The following RHOH variants were observed in gnomAD, a reference collection of about 807,000 sequenced individuals.
The protein encoded by RHOH is ras homolog family member H, also known as rho-related GTP-binding protein RhoH.
A neutral mutation model predicts 13.8 loss-of-function variants in RHOH; 6 were observed. The observed-to-expected ratio is 0.44, with a 90% confidence interval of 0.24 to 0.86. RHOH has a LOEUF of 0.86. Ranked by LOEUF, RHOH falls within the 40% of genes least tolerant of loss-of-function variation. RHOH has a pLI of 0.24. For missense variants in RHOH, 147 were observed against 244.5 expected (o/e 0.60, Z 2.66); for synonymous variants, 117 against 103.0 (o/e 1.14, Z -0.82).
At chr4:40,191,754 T>C (rs1364503557), upstream of RHOH, among the ~76,000 whole-genome samples, 2 of 152,174 alleles carry the variant, frequency 1.3e-5, no homozygotes, top group Non-Finnish European at 2.9e-5. Context: ...ACATGGCAGC[T>C]GAGAATCCTG....
chr4:40,246,067 T>C lies in RHOH; in HGVS notation c.*2105T>C, dbSNP rs1729749339. Reference sequence around the variant, plus strand: ...GCTCAGGGTTGGGGGGCTTGAAAGATGACCGGGCAGGGGAGGGGAAGGGAT... The same window carrying C: ...GCTCAGGGTTGGGGGGCTTGAAAGACGACCGGGCAGGGGAGGGGAAGGGAT... On this transcript the variant is annotated 3_prime_UTR_variant, in exon 3 of 3. Coordinates refer to ENST00000381799, the MANE Select transcript of RHOH (RefSeq NM_004310.5). The C allele has an allele frequency of 6.6e-6, 1 of 152,200 alleles. No homozygotes were observed. The highest frequency in any genetic ancestry group is 2.4e-5 in the African/African-American group (1 of 41,434). 9.4% of individuals were successfully genotyped at this position (152,200 alleles called of 1,614,324 possible). A position where few individuals can be genotyped will look rare whatever the true frequency, so the allele number is the denominator to read the frequency against.
chr4:40,212,333 T>C (rs1057112312), intron 1 of RHOH, among the ~76,000 whole-genome samples: 1 of 152,182 alleles, frequency 6.6e-6, no homozygotes, highest in Admixed American at 6.5e-5. Flanking sequence ...ATCGTCAGAG[T>C]GCAACACGTT....
At chr4:40,226,338 C>A (rs959893426) in intron 1 of RHOH, among the ~76,000 whole-genome samples, 38 of 151,844 alleles carry the variant, frequency 2.5e-4, no homozygotes, top group African/African-American at 9.2e-4. Flanking sequence ...ACTAGCCTGA[C>A]CAACATGGAG....
chr4:40,228,631 G>A (rs781324656), intron 1 of RHOH, among the ~76,000 whole-genome samples: 36 of 152,112 alleles, frequency 2.4e-4, no homozygotes, highest in Non-Finnish European at 4.9e-4. Context: ...CAGCTGGGAA[G>A]TATCTTGAAC....
intron 1 of RHOH, among the ~76,000 whole-genome samples, chr4:40,215,975 CT>C (rs1048829484): frequency 5.9e-5 from 9 of 152,056 alleles, no homozygotes; most frequent in Non-Finnish European, 1.3e-4. Flanking sequence ...TTTTTCCACC[CT>C]GGGTGGACTC....
intron 1 of RHOH, among the ~76,000 whole-genome samples, chr4:40,231,233 T>C (rs60505345): frequency 0.03 from 4,565 of 152,044 alleles, 165 homozygotes; most frequent in African/African-American, 0.073. Context: ...TTCCTGTGTC[T>C]GTGAATAGAC....
intron 1 of RHOH, among the ~76,000 whole-genome samples, chr4:40,198,695 T>G (rs903927994): frequency 2.6e-5 from 4 of 152,218 alleles, no homozygotes; most frequent in African/African-American, 9.6e-5. Flanking sequence ...CACCTCTGGT[T>G]TCTTCATTTT....
rs1413940919 is a variant in RHOH at position 40,245,360 on chromosome 4, A to AC, written c.*1402dup. 6.6e-6 allele frequency: 1 copy of AC among 151,846 alleles called. No individual in the cohort carries two copies. The highest frequency in any genetic ancestry group is 1.5e-5 in the Non-Finnish European group (1 of 67,996). The allele number at this position is 151,846 out of a possible 1,614,324, so 9.4% of individuals were successfully genotyped here. A position where few individuals can be genotyped will look rare whatever the true frequency, so the allele number is the denominator to read the frequency against. On this transcript the variant is annotated 3_prime_UTR_variant, in exon 3 of 3. Coordinates refer to ENST00000381799, the MANE Select transcript of RHOH (RefSeq NM_004310.5). ...AGACCAGCCTGGCCAACATGGTGAA[A>AC]CCCCGTCTCTTCTAAATATTAGCTA...
chr4:40,237,239 G>A (rs538725286), intron 1 of RHOH, among the ~76,000 whole-genome samples: 1 of 152,254 alleles, frequency 6.6e-6, no homozygotes, highest in East Asian at 1.9e-4. Context: ...GATCACCTGA[G>A]GTCAGGCGTT....
At chr4:40,213,519 A>C (rs1725528327) in intron 1 of RHOH, among the ~76,000 whole-genome samples, 1 of 152,170 alleles carries the variant, frequency 6.6e-6, no homozygotes, top group Non-Finnish European at 1.5e-5. Flanking sequence ...AAAACAAAAC[A>C]AAAATTCTCT....
rs192541164 is a variant in RHOH, at chr4:40,246,234, A to C, written c.*2272A>C. ...GTGGGAAGGAATTTCTATTCACTGCAGTGGGCTGTCCCCCAGGCTTTTCTT... is the reference window on the plus strand; with the variant it reads ...GTGGGAAGGAATTTCTATTCACTGCCGTGGGCTGTCCCCCAGGCTTTTCTT... On this transcript the variant is annotated 3_prime_UTR_variant, in exon 3 of 3. Coordinates refer to ENST00000381799, the MANE Select transcript of RHOH (RefSeq NM_004310.5). 2.0e-4 allele frequency: 31 copies of C among 152,398 alleles called. No homozygotes were observed. Among genetic ancestry groups the C allele is most frequent in the African/African-American group, 6.0e-4 (25 of 41,580 alleles). The allele number at this position is 152,398 out of a possible 1,614,324, so 9.4% of individuals were successfully genotyped here.
At chr4:40,206,390 C>A (rs1213365829) in intron 1 of RHOH, among the ~76,000 whole-genome samples, 3 of 152,094 alleles carry the variant, frequency 2.0e-5, no homozygotes, top group African/African-American at 7.2e-5. Flanking sequence ...ATGATCCCAA[C>A]TGTGGTTGAG....
chr4:40,239,626 C>T (rs1295546153), intron 1 of RHOH, among the ~76,000 whole-genome samples: 6 of 152,134 alleles, frequency 3.9e-5, no homozygotes, highest in Non-Finnish European at 7.4e-5. Flanking sequence ...CGCCTGTAAT[C>T]CCAGCACTTT....
rs78397858 is a variant in RHOH, at chr4:40,220,417, C to T, written c.-330-22297C>T. Among the ~76,000 whole-genome samples the T allele has an allele frequency of 1.6e-4, 24 of 152,030 alleles. No individual in the cohort carries two copies. In the East Asian group the frequency reaches 3.7e-3, roughly 23 times the overall value. ...GAACCGGAGAGTGAGGTCATTTATA[C>T]GCAGAACATTGCGTCTCCTCTCTTT... is the stretch of plus-strand genomic sequence containing the variant. On this transcript the variant is annotated intron_variant, in intron 1 of 2. Coordinates refer to ENST00000381799, the MANE Select transcript of RHOH (RefSeq NM_004310.5).
intron 1 of RHOH, among the ~76,000 whole-genome samples, chr4:40,230,939 C>A (rs1727854817): frequency 6.6e-6 from 1 of 152,142 alleles, no homozygotes; most frequent in Non-Finnish European, 1.5e-5. Context: ...AAGGGACCAG[C>A]CCAGCCTTTT....
intron 1 of RHOH, among the ~76,000 whole-genome samples, chr4:40,202,492 G>C (rs1724139003): frequency 6.6e-6 from 1 of 152,116 alleles, no homozygotes; most frequent in Admixed American, 6.5e-5. Context: ...AAGAAATTTG[G>C]AGAACACCTG....
intron 1 of RHOH, among the ~76,000 whole-genome samples, chr4:40,211,053 C>T (rs909743971): frequency 1.3e-5 from 2 of 152,130 alleles, no homozygotes; most frequent in Admixed American, 6.5e-5. Flanking sequence ...GAATGTCATA[C>T]ATTAAATTAA....
At position 40,225,146 on chromosome 4, in the gene RHOH, C is replaced by G. The variant is rs1727065849; in HGVS notation, c.-330-17568C>G. Reference sequence around the variant, plus strand: ...GTTTGTTTGTTTTCAGACAGTCTCACTTTGTCACCTAGGCTGGAGTGCACT... The same window carrying G: ...GTTTGTTTGTTTTCAGACAGTCTCAGTTTGTCACCTAGGCTGGAGTGCACT... On this transcript the variant is annotated intron_variant, in intron 1 of 2. Transcript: ENST00000381799. Among the ~76,000 whole-genome samples the G allele has an allele frequency of 2.0e-5, 3 of 152,158 alleles. No homozygotes were observed. In the South Asian group the frequency reaches 6.2e-4, roughly 32 times the overall value.
At chr4:40,215,975 C>T (rs369210237) in intron 1 of RHOH, among the ~76,000 whole-genome samples, 1 of 151,938 alleles carries the variant, frequency 6.6e-6, no homozygotes, top group Admixed American at 6.6e-5. Flanking sequence ...TTTTTCCACC[C>T]TGGGTGGACT....
Sources: gnomAD v4.1 joint callset for allele counts (sites outside exome capture counted in the v4.1 genomes callset) on GRCh38, gnomAD v4.1.1 for gene constraint, MANE v1.5 for transcripts, NCBI Gene and HGNC (gene_info 2026-07-23, HGNC 2026-07-21) for gene names.